MDGA2: variants seen among roughly 807,000 people sequenced by gnomAD.
MDGA2 encodes the protein MAM domain containing glycosylphosphatidylinositol anchor 2.
In MDGA2, 40 loss-of-function variants were observed where a neutral mutation model predicts 117.8. That is an observed-to-expected ratio of 0.34 (90% confidence interval 0.26 to 0.44). The LOEUF is 0.44. Among genes scored for constraint, MDGA2 ranks in the 20% least tolerant of loss-of-function variants. The pLI, the probability that MDGA2 is intolerant of heterozygous loss-of-function variation, is 1.00. For synonymous variants in MDGA2, 452 were observed against 439.0 expected (o/e 1.03, Z -0.37); for missense variants, 1,123 against 1,250.6 (o/e 0.90, Z 1.54).
At chr14:46,983,284 C>G (rs1158219482) in intron 8 of MDGA2, among the ~76,000 whole-genome samples, 3 of 152,084 alleles carry the variant, frequency 2.0e-5, no homozygotes, top group East Asian at 3.8e-4. Flanking sequence ...AGTGGCTTAG[C>G]TGAATCTCTC....
At chr14:46,865,492 G>A (rs1482683089) in intron 14 of MDGA2, among the ~76,000 whole-genome samples, 8 of 152,286 alleles carry the variant, frequency 5.3e-5, no homozygotes, top group African/African-American at 1.7e-4. Flanking sequence ...AGACAGGGAT[G>A]CCCTCTCTCA....
chr14:47,054,110 C>T (rs186579683), intron 7 of MDGA2, among the ~76,000 whole-genome samples: 2 of 151,992 alleles, frequency 1.3e-5, no homozygotes, highest in East Asian at 2.0e-4. Flanking sequence ...TACCCAGCAC[C>T]TTATCTGATT....
intron 1 of MDGA2, among the ~76,000 whole-genome samples, chr14:47,478,980 A>T (rs1346138634): frequency 2.0e-5 from 3 of 152,188 alleles, no homozygotes; most frequent in Non-Finnish European, 4.4e-5. Context: ...AATATCCACA[A>T]TGCTTATTTT....
At chr14:47,092,028 G>T (rs895880587) in intron 6 of MDGA2, among the ~76,000 whole-genome samples, 3 of 152,016 alleles carry the variant, frequency 2.0e-5, no homozygotes, top group African/African-American at 7.2e-5. Flanking sequence ...TACATGTATG[G>T]GTATATTTAT....
intron 3 of MDGA2, among the ~76,000 whole-genome samples, chr14:47,191,523 A>C (rs568704040): frequency 2.4e-4 from 36 of 151,700 alleles, no homozygotes; most frequent in Admixed American, 3.3e-4. Context: ...ATTCTCAAAA[A>C]GTTTCAGTTG....
At chr14:47,087,952 G>T (rs760787884) in intron 6 of MDGA2, among the ~76,000 whole-genome samples, 1 of 151,916 alleles carries the variant, frequency 6.6e-6, no homozygotes, top group African/African-American at 2.4e-5. Flanking sequence ...AAAATTGAAA[G>T]ATTTTCTCTT....
At chr14:46,843,010 ATTAT>A (rs1474775757) in intron 16 of MDGA2, among the ~76,000 whole-genome samples, 6 of 152,202 alleles carry the variant, frequency 3.9e-5, no homozygotes, top group African/African-American at 1.2e-4. Context: ...TGCCAAATAG[ATTAT>A]TTGTGTTCAA....
intron 8 of MDGA2, among the ~76,000 whole-genome samples, chr14:46,998,014 C>T (rs2138467161): frequency 6.6e-6 from 1 of 150,614 alleles, no homozygotes. Context: ...TATTGAATAT[C>T]ATCAGAAAAA....
At chr14:47,254,783 C>T (rs1887562665) in intron 2 of MDGA2, among the ~76,000 whole-genome samples, 1 of 152,122 alleles carries the variant, frequency 6.6e-6, no homozygotes, top group Admixed American at 6.5e-5. Flanking sequence ...TCTCACACTG[C>T]TATAAAGAAC....
intron 1 of MDGA2, among the ~76,000 whole-genome samples, chr14:47,636,880 G>A (rs1012750915): frequency 2.0e-5 from 3 of 147,112 alleles, no homozygotes; most frequent in Non-Finnish European, 4.4e-5. Flanking sequence ...GCTGAGGCAG[G>A]AGAATCACTT....
At chr14:46,956,967 C>T (rs1206313252) in intron 9 of MDGA2, among the ~76,000 whole-genome samples, 1 of 152,100 alleles carries the variant, frequency 6.6e-6, no homozygotes, top group African/African-American at 2.4e-5. Context: ...TCCTTGCTTC[C>T]CCTTTGCCTT....
chr14:46,964,797 AG>A (rs1377586381), intron 8 of MDGA2, among the ~76,000 whole-genome samples: 1 of 152,106 alleles, frequency 6.6e-6, no homozygotes, highest in Admixed American at 6.5e-5. Context: ...TGCCTAGCAA[AG>A]TTAACGTGTT....
At chr14:47,346,664 A>T (rs1594809593) in intron 1 of MDGA2, among the ~76,000 whole-genome samples, 1 of 152,316 alleles carries the variant, frequency 6.6e-6, no homozygotes, top group East Asian at 1.9e-4. Flanking sequence ...TGGAGTAAAT[A>T]TTCTTAATTA....
intron 2 of MDGA2, among the ~76,000 whole-genome samples, chr14:47,222,628 T>C (rs1008420425): frequency 2.1e-4 from 32 of 152,204 alleles, no homozygotes; most frequent in African/African-American, 7.7e-4. Flanking sequence ...GAAAGTCATC[T>C]ATCCACAAGG....
chr14:47,279,945 T>C (rs1453110731), intron 2 of MDGA2, among the ~76,000 whole-genome samples: 3 of 152,004 alleles, frequency 2.0e-5, no homozygotes, highest in Non-Finnish European at 4.4e-5. Flanking sequence ...ATCATAGCTC[T>C]CTATCACCTC....
At chr14:47,207,290 T>G (rs1240672600) in intron 3 of MDGA2, among the ~76,000 whole-genome samples, 1 of 151,744 alleles carries the variant, frequency 6.6e-6, no homozygotes, top group Non-Finnish European at 1.5e-5. Flanking sequence ...TTCAACAGAA[T>G]AGGAGAAAAA....
intron 3 of MDGA2, among the ~76,000 whole-genome samples, chr14:47,192,693 T>C (rs1312113863): frequency 1.3e-5 from 2 of 152,138 alleles, no homozygotes; most frequent in Non-Finnish European, 2.9e-5. Context: ...GAATATATTG[T>C]TCAGAGTTTA....
At chr14:47,593,472 T>C (rs979856280) in intron 1 of MDGA2, among the ~76,000 whole-genome samples, 3 of 152,096 alleles carry the variant, frequency 2.0e-5, no homozygotes, top group African/African-American at 7.2e-5. Flanking sequence ...GGACATGGAA[T>C]GAAACTAAAT....
intron 8 of MDGA2, among the ~76,000 whole-genome samples, chr14:47,030,889 A>C (rs566821524): frequency 1.3e-3 from 192 of 152,296 alleles, no homozygotes; most frequent in African/African-American, 4.4e-3. Flanking sequence ...TAGAAGTTAA[A>C]AGTCATAAAG....
Sources: allele counts gnomAD v4.1 joint callset (sites outside exome capture counted in the v4.1 genomes callset), GRCh38; gene constraint gnomAD v4.1.1; transcripts MANE v1.5; gene names NCBI Gene and HGNC (gene_info 2026-07-23, HGNC 2026-07-21).